The following ANKFN1 variants were observed in gnomAD, a reference collection of about 807,000 sequenced individuals.
ANKFN1 encodes the protein ankyrin repeat and fibronectin type III domain containing 1.
In ANKFN1, 74 loss-of-function variants were observed where a neutral mutation model predicts 108.7. That is an observed-to-expected ratio of 0.68 (90% confidence interval 0.56 to 0.83). The LOEUF is 0.83. ANKFN1 is among the 40% of genes least tolerant of loss of function. The pLI is 0.00. For missense variants in ANKFN1, 1,505 were observed against 1,382.3 expected (o/e 1.09, Z -1.41); for synonymous variants, 547 against 516.2 (o/e 1.06, Z -0.81).
chr17:56,279,287 C>A (rs542994684), intron 3 of ANKFN1, among the ~76,000 whole-genome samples: 1 of 151,994 alleles, frequency 6.6e-6, no homozygotes, highest in Non-Finnish European at 1.5e-5. Context: ...AGTGGAATCC[C>A]ACAGAGAGAA....
At chr17:56,113,155 TTCA>T (rs563753813) in intron 4 of ANKFN1, among the ~76,000 whole-genome samples, 9 of 152,224 alleles carry the variant, frequency 5.9e-5, no homozygotes, top group Admixed American at 1.3e-4. Context: ...CTAGATATTA[TTCA>T]TCATTTCATT....
intron 8 of ANKFN1, among the ~76,000 whole-genome samples, chr17:56,435,485 C>G (rs2048901596): frequency 1.3e-5 from 2 of 152,108 alleles, no homozygotes; most frequent in South Asian, 4.1e-4. Context: ...GGACTTTGAA[C>G]CAGGACTGTT....
chr17:56,128,136 C>T (rs1007553583), intron 4 of ANKFN1, among the ~76,000 whole-genome samples: 4 of 151,876 alleles, frequency 2.6e-5, no homozygotes, highest in African/African-American at 9.7e-5. Flanking sequence ...CCCAATACAT[C>T]GACAGGTTAA....
chr17:56,278,044 A>C (rs118020060), intron 3 of ANKFN1, among the ~76,000 whole-genome samples: 1 of 152,352 alleles, frequency 6.6e-6, no homozygotes, highest in East Asian at 1.9e-4. Context: ...TTATAGAGCA[A>C]ATATCAAGAG....
intron 6 of ANKFN1, among the ~76,000 whole-genome samples, chr17:56,365,107 A>G (rs28397823): frequency 0.033 from 4,997 of 152,298 alleles, 237 homozygotes; most frequent in African/African-American, 0.11. Flanking sequence ...TGAAGTTGTT[A>G]GAAGGTTGTC....
At chr17:56,492,418 C>T in intron 19 of ANKFN1, 65 bp downstream of exon 19, 1 of 679,782 alleles carries the variant, frequency 1.5e-6, no homozygotes. Context: ...GGGTGAAAAG[C>T]CAAGCATGGG....
upstream of ANKFN1, among the ~76,000 whole-genome samples, chr17:56,148,508 A>G (rs986692496): frequency 6.6e-6 from 1 of 152,208 alleles, no homozygotes; most frequent in South Asian, 2.1e-4. Flanking sequence ...GTGGAAGGTG[A>G]CTGCAGGTCA....
At chr17:56,470,741 C>G (rs1306753571) in intron 15 of ANKFN1, among the ~76,000 whole-genome samples, 2 of 152,182 alleles carry the variant, frequency 1.3e-5, no homozygotes, top group Non-Finnish European at 2.9e-5. Flanking sequence ...GTGTCCAACT[C>G]CCTCAAATTC....
In ANKFN1 at chr17:56,333,730, T is replaced by C. The variant is rs78945288; in HGVS notation, c.188+7375T>C. The stretch of plus-strand genomic sequence containing the variant: ...AGTTTTGGAAGAGTTGTATGTCGAA[T>C]TGGTATCATTCCTTAAAGGTCTGGT... On this transcript the variant is annotated intron_variant, in intron 4 of 20. Coordinates refer to ENST00000682825, the MANE Select transcript of ANKFN1 (RefSeq NM_001370326.1). Among the ~76,000 whole-genome samples the C allele has an allele frequency of 1.1e-4, 17 of 152,278 alleles. No homozygotes were observed. In the East Asian group the frequency reaches 3.3e-3, roughly 29 times the overall value.
intron 3 of ANKFN1, among the ~76,000 whole-genome samples, chr17:56,265,807 G>T (rs958291091): frequency 1.3e-5 from 2 of 152,096 alleles, no homozygotes; most frequent in Non-Finnish European, 2.9e-5. Flanking sequence ...TATATAAGTT[G>T]TTGTTATCCT....
At chr17:56,407,614 A>T (rs1323139600) in intron 8 of ANKFN1, among the ~76,000 whole-genome samples, 1 of 152,158 alleles carries the variant, frequency 6.6e-6, no homozygotes, top group Non-Finnish European at 1.5e-5. Context: ...TGGCCTCTTA[A>T]TCATAGGCTT....
chr17:56,150,196 G>T (rs886547325), upstream of ANKFN1, among the ~76,000 whole-genome samples: 2 of 152,200 alleles, frequency 1.3e-5, no homozygotes, highest in African/African-American at 2.4e-5. Flanking sequence ...CCAGAAACTA[G>T]ATGTGGTCCA....
chr17:56,230,688 C>A (rs1916668491), intron 3 of ANKFN1, among the ~76,000 whole-genome samples: 1 of 152,044 alleles, frequency 6.6e-6, no homozygotes, highest in African/African-American at 2.4e-5. Context: ...GAATTATCTT[C>A]TGGGTGGTAT....
Position 56,437,973 on chromosome 17 carries a change from G to GGGGTGTGTGTGTGT in ANKFN1, c.911-2353_911-2352insGGTGTGTGTGTGTG, listed in dbSNP as rs1555653063. Among the ~76,000 whole-genome samples the GGGGTGTGTGTGTGT allele has an allele frequency of 2.0e-3, 279 of 142,272 alleles. 2 individuals carry two copies. The highest frequency in any genetic ancestry group is 7.1e-3 in the African/African-American group (267 of 37,648). 93.3% of individuals were successfully genotyped at this position (142,272 alleles called of 152,430 possible). A position where few individuals can be genotyped will look rare whatever the true frequency, so the allele number is the denominator to read the frequency against. On this transcript the variant is annotated intron_variant, in intron 8 of 20. Transcript: ENST00000682825. ...GTGTTGGAAAAACTAATCTACTGTA[G>GGGGTGTGTGTGTGT]GTGTGTGTGTGTGTGTGTGTGTGTG...
chr17:56,436,162 T>C (rs2048923864), intron 8 of ANKFN1, among the ~76,000 whole-genome samples: 1 of 152,176 alleles, frequency 6.6e-6, no homozygotes, highest in African/African-American at 2.4e-5. Flanking sequence ...ATCTGAAACC[T>C]AGATAAAAAT....
At chr17:56,470,253 G>A (rs901994549) in intron 15 of ANKFN1, among the ~76,000 whole-genome samples, 4 of 152,114 alleles carry the variant, frequency 2.6e-5, no homozygotes, top group African/African-American at 9.7e-5. Flanking sequence ...GAACATACGT[G>A]TGCACATGTC....
At chr17:56,070,562 C>T (rs1199988018) in intron 4 of ANKFN1, among the ~76,000 whole-genome samples, 2 of 152,048 alleles carry the variant, frequency 1.3e-5, no homozygotes, top group Non-Finnish European at 2.9e-5. Flanking sequence ...GTACTGGGGG[C>T]TAAGAAATGA....
intron 20 of ANKFN1, among the ~76,000 whole-genome samples, chr17:56,509,657 A>C (rs2051680731): frequency 6.6e-6 from 1 of 152,232 alleles, no homozygotes; most frequent in South Asian, 2.1e-4. Context: ...GATAATGGAT[A>C]CTGGGTAACA....
chr17:56,190,686 T>A (rs1439268507), intron 1 of ANKFN1, among the ~76,000 whole-genome samples: 26 of 118,376 alleles, frequency 2.2e-4, no homozygotes, highest in African/African-American at 8.4e-4. Flanking sequence ...AAATGTATAT[T>A]CTGTTGATTT....
Sources: allele counts gnomAD v4.1 joint callset (sites outside exome capture counted in the v4.1 genomes callset), GRCh38; gene constraint gnomAD v4.1.1; transcripts MANE v1.5; gene names NCBI Gene and HGNC (gene_info 2026-07-23, HGNC 2026-07-21).